The following MEGF9 variants were observed in gnomAD, a reference collection of about 807,000 sequenced individuals.
MEGF9 encodes the protein multiple epidermal growth factor-like domains protein 9.
MEGF9 carries 6 observed loss-of-function variants against 46.8 expected under a neutral mutation model. That is an observed-to-expected ratio of 0.13 (90% confidence interval 0.07 to 0.25). The LOEUF (loss-of-function observed/expected upper bound fraction) is 0.25. MEGF9 is among the 10% of genes least tolerant of loss of function. The pLI, the probability that MEGF9 is intolerant of heterozygous loss-of-function variation, is 1.00. For missense variants in MEGF9, 683 were observed against 792.4 expected (o/e 0.86, Z 1.66); for synonymous variants, 302 against 330.7 (o/e 0.91, Z 0.94).
chr9:120,699,356 C>G (rs531876435), intron 1 of MEGF9, among the ~76,000 whole-genome samples: 8 of 151,920 alleles, frequency 5.3e-5, no homozygotes, highest in African/African-American at 9.7e-5. Flanking sequence ...TATGGGACAG[C>G]TTTTTTCTCT....
intron 1 of MEGF9, among the ~76,000 whole-genome samples, chr9:120,670,516 G>A (rs2043744397): frequency 6.6e-6 from 1 of 152,136 alleles, no homozygotes; most frequent in Admixed American, 6.5e-5. Flanking sequence ...TAAGTCCCTA[G>A]AACTGCTTCT....
intron 3 of MEGF9, among the ~76,000 whole-genome samples, chr9:120,617,722 G>C (rs988883833): frequency 1.3e-5 from 2 of 152,236 alleles, no homozygotes; most frequent in Non-Finnish European, 2.9e-5. Flanking sequence ...GGAGAGAAGA[G>C]AGGAGGCTGA....
At chr9:120,655,554 T>A (rs1216340686) in intron 2 of MEGF9, among the ~76,000 whole-genome samples, 3 of 152,204 alleles carry the variant, frequency 2.0e-5, no homozygotes, top group Non-Finnish European at 4.4e-5. Context: ...CTCTTCCACC[T>A]CTTGCATGAA....
intron 1 of MEGF9, among the ~76,000 whole-genome samples, chr9:120,713,307 T>A (rs1014709211): frequency 4.6e-5 from 7 of 152,206 alleles, no homozygotes; most frequent in Admixed American, 1.3e-4. Context: ...GATATTTACA[T>A]AAACAAGAAG....
chr9:120,622,656 G>A lies in MEGF9; in HGVS notation c.903C>T (p.Cys301=). 1 of 1,613,594 alleles carries A rather than the reference G, an allele frequency of 6.2e-7. No homozygotes were observed. The highest frequency in any genetic ancestry group is 8.5e-7 in the Non-Finnish European group (1 of 1,179,806). ...YGFSKNGCLP[C]QCNNRSASCD... is the part of the protein sequence containing the mutation. The stretch of plus-strand genomic sequence containing the variant: ...AACTGGCAGACCGATTATTGCATTG[G>A]CAGGGCAAGCAGCCATTCTTACTAA... Residue 301 remains cysteine, a synonymous_variant, in exon 3 of 6, where the codon TGC becomes TGT. Coordinates refer to ENST00000373930, the MANE Select transcript of MEGF9 (RefSeq NM_001080497.3).
chr9:120,631,081 A>T (rs1413310486), intron 2 of MEGF9, among the ~76,000 whole-genome samples: 1 of 152,114 alleles, frequency 6.6e-6, no homozygotes, highest in Non-Finnish European at 1.5e-5. Flanking sequence ...CATTTCTTCT[A>T]TGTTTTCTGC....
At chr9:120,661,534 AAAAT>A (rs909635863) in intron 1 of MEGF9, among the ~76,000 whole-genome samples, 1 of 152,200 alleles carries the variant, frequency 6.6e-6, no homozygotes, top group Admixed American at 6.5e-5. Context: ...TAATTAACGT[AAAAT>A]AAATAAATAA....
intron 1 of MEGF9, 39 bp from the exon 2 acceptor site, chr9:120,659,614 A>G: frequency 6.9e-7 from 1 of 1,453,330 alleles, no homozygotes; most frequent in Non-Finnish European, 9.4e-7. Flanking sequence ...ACCAACTAAG[A>G]TTTAATGCCC....
intron 2 of MEGF9, among the ~76,000 whole-genome samples, chr9:120,634,449 T>TA (rs2043565015): frequency 1.6e-5 from 1 of 63,442 alleles, no homozygotes; most frequent in Non-Finnish European, 3.5e-5. Flanking sequence ...GGAATATCTT[T>TA]TTTTTTTTTT....
chr9:120,674,409 T>C (rs374914878), intron 1 of MEGF9, among the ~76,000 whole-genome samples: 1 of 151,964 alleles, frequency 6.6e-6, no homozygotes, highest in Non-Finnish European at 1.5e-5. Context: ...ATTAGGAAAA[T>C]ACAAATTAAA....
intron 2 of MEGF9, among the ~76,000 whole-genome samples, chr9:120,657,268 T>C (rs2043681421): frequency 6.6e-6 from 1 of 152,250 alleles, no homozygotes; most frequent in African/African-American, 2.4e-5. Context: ...ACTAGTCTAG[T>C]GTACTTTTCC....
chr9:120,610,531 A>G (rs2043440115), intron 4 of MEGF9, among the ~76,000 whole-genome samples: 1 of 152,168 alleles, frequency 6.6e-6, no homozygotes, highest in African/African-American at 2.4e-5. Flanking sequence ...TGATATTTTT[A>G]TCTGAAATGT....
At chr9:120,611,865 A>AGGAAGGAAGGAAGAGAGAGAG (rs572613293) in intron 4 of MEGF9, among the ~76,000 whole-genome samples, 1 of 137,154 alleles carries the variant, frequency 7.3e-6, no homozygotes, top group African/African-American at 3.0e-5. Flanking sequence ...GGAAGGAAGA[A>AGGAAGGAAGGAAGAGAGAGAG]AGAGAGAGAG....
In MEGF9 at chr9:120,604,303, G is replaced by A. The variant is rs1045200768; in HGVS notation, c.*887C>T. Reference sequence around the variant, plus strand: ...CCAGAGTCCCAGCTCTAGCAATATTGCCATCTATTTTACAGTATTTTAAGC... The same window carrying A: ...CCAGAGTCCCAGCTCTAGCAATATTACCATCTATTTTACAGTATTTTAAGC... On this transcript the variant is annotated 3_prime_UTR_variant, in exon 6 of 6. Coordinates refer to ENST00000373930, the MANE Select transcript of MEGF9 (RefSeq NM_001080497.3). 3.3e-5 allele frequency: 5 copies of A among 152,220 alleles called. No individual in the cohort carries two copies. Among genetic ancestry groups the A allele is most frequent in the East Asian group, 1.9e-4 (1 of 5,192 alleles). 9.4% of individuals were successfully genotyped at this position (152,220 alleles called of 1,614,324 possible).
intron 4 of MEGF9, among the ~76,000 whole-genome samples, chr9:120,611,062 G>T (rs903559254): frequency 6.6e-6 from 1 of 152,100 alleles, no homozygotes; most frequent in African/African-American, 2.4e-5. Flanking sequence ...TATCTACTAG[G>T]ATGGCTATAA....
intron 1 of MEGF9, among the ~76,000 whole-genome samples, chr9:120,667,132 T>C (rs2043728753): frequency 6.6e-6 from 1 of 152,206 alleles, no homozygotes; most frequent in Admixed American, 6.5e-5. Flanking sequence ...TTTTAAAATT[T>C]TGCTGGAAGG....
chr9:120,687,074 T>A lies in MEGF9; in HGVS notation c.601+26684A>T, dbSNP rs945560271. 6.6e-5 allele frequency among the ~76,000 whole-genome samples: 10 copies of A among 152,226 alleles called. No individual in the cohort carries two copies. In the East Asian group the frequency reaches 7.7e-4, roughly 12 times the overall value. On this transcript the variant is annotated intron_variant, in intron 1 of 5. Coordinates refer to ENST00000373930, the MANE Select transcript of MEGF9 (RefSeq NM_001080497.3). ...TTTAATGCTTTCCCTCCAAAAAAAA[T>A]ATCTAATTTTAAGGAGAGAATGGTT...
intron 1 of MEGF9, among the ~76,000 whole-genome samples, chr9:120,692,081 G>C (rs866670404): frequency 3.3e-5 from 5 of 152,096 alleles, no homozygotes; most frequent in African/African-American, 1.2e-4. Flanking sequence ...GTACATTAAG[G>C]AATCTAATAC....
intron 3 of MEGF9, among the ~76,000 whole-genome samples, chr9:120,616,600 A>C (rs1331265088): frequency 6.6e-6 from 1 of 150,382 alleles, no homozygotes; most frequent in Non-Finnish European, 1.5e-5. Context: ...AATGGCGTGA[A>C]TCCGGGAGGC....
Sources: gnomAD v4.1 joint callset for allele counts (sites outside exome capture counted in the v4.1 genomes callset) on GRCh38, gnomAD v4.1.1 for gene constraint, MANE v1.5 for transcripts, NCBI Gene and HGNC (gene_info 2026-07-23, HGNC 2026-07-21) for gene names.